Variants in NRCAM observed in about 807,000 individuals in gnomAD.
The protein encoded by NRCAM is neuronal cell adhesion molecule, also known as NgCAM-related cell adhesion molecule.
A neutral mutation model predicts 156.5 loss-of-function variants in NRCAM; 83 were observed. The ratio of observed to expected loss-of-function variants is 0.53; its 90% CI spans 0.44 to 0.64. The LOEUF (loss-of-function observed/expected upper bound fraction) is 0.64, where lower values mean the gene tolerates loss of function less well. Ranked by LOEUF, NRCAM falls within the 30% of genes least tolerant of loss-of-function variation. The probability of loss-of-function intolerance (pLI) is 0.00; values close to 1 mark genes in which losing one functional copy is unlikely to be tolerated. For missense variants in NRCAM, 1,417 were observed against 1,597.3 expected (o/e 0.89, Z 1.92); for synonymous variants, 538 against 563.9 (o/e 0.95, Z 0.65).
At chr7:108,207,457 A>G in intron 13 of NRCAM, 71 bp downstream of exon 13, 2 of 1,476,400 alleles carry the variant, frequency 1.4e-6, no homozygotes, top group Non-Finnish European at 1.8e-6. Context: ...TTTTATCACC[A>G]TTTATTCACT....
intron 2 of NRCAM, among the ~76,000 whole-genome samples, chr7:108,315,024 G>C (rs940121728): frequency 6.6e-6 from 1 of 150,678 alleles, no homozygotes; most frequent in African/African-American, 2.4e-5. Context: ...CAACAACCCA[G>C]TCAATTCTGT....
chr7:108,255,260 C>T (rs1457980734), intron 3 of NRCAM, among the ~76,000 whole-genome samples: 1 of 148,836 alleles, frequency 6.7e-6, no homozygotes, highest in Admixed American at 6.7e-5. Flanking sequence ...TCACTGCAAA[C>T]TCCCTGCCTG....
intron 30 of NRCAM, among the ~76,000 whole-genome samples, chr7:108,164,409 A>G (rs1284464050): frequency 2.6e-5 from 4 of 152,148 alleles, no homozygotes; most frequent in African/African-American, 9.7e-5. Flanking sequence ...TGAAATAACT[A>G]TAGATAAAGT....
chr7:108,348,043 T>C (rs2099381526), intron 2 of NRCAM, among the ~76,000 whole-genome samples: 1 of 152,258 alleles, frequency 6.6e-6, no homozygotes, highest in South Asian at 2.1e-4. Context: ...AACAGCATTC[T>C]GTATTCATCT....
At chr7:108,177,378 C>G (rs1011553723) in intron 26 of NRCAM, among the ~76,000 whole-genome samples, 2 of 152,068 alleles carry the variant, frequency 1.3e-5, no homozygotes, top group Non-Finnish European at 2.9e-5. Flanking sequence ...AATCCCAGCA[C>G]TTTGGGAGGC....
chr7:108,150,337 C>G (rs936161123), intron 32 of NRCAM, among the ~76,000 whole-genome samples, 190 bp from the exon 33 acceptor site: 1 of 152,130 alleles, frequency 6.6e-6, no homozygotes, highest in South Asian at 2.1e-4. Context: ...ATGGTTGAAT[C>G]ATGAAGTCTT....
chr7:108,269,049 G>C (rs545250198), intron 3 of NRCAM, among the ~76,000 whole-genome samples: 1 of 152,042 alleles, frequency 6.6e-6, no homozygotes, highest in Non-Finnish European at 1.5e-5. Context: ...ACCAGGACTT[G>C]AGCCTGGGAA....
At chr7:108,161,688 T>C (rs1181926278) in intron 30 of NRCAM, among the ~76,000 whole-genome samples, 2 of 152,150 alleles carry the variant, frequency 1.3e-5, no homozygotes, top group Non-Finnish European at 2.9e-5. Flanking sequence ...GTTCAGCTAA[T>C]GTTGCAAAAA....
intron 3 of NRCAM, among the ~76,000 whole-genome samples, chr7:108,279,827 T>G (rs182773476): frequency 6.6e-6 from 1 of 152,068 alleles, no homozygotes; most frequent in Admixed American, 6.5e-5. Context: ...CCTAAAGTGC[T>G]GAGAAAACAG....
chr7:108,355,895 A>G (rs373714565), intron 2 of NRCAM, among the ~76,000 whole-genome samples: 3 of 152,026 alleles, frequency 2.0e-5, no homozygotes, highest in East Asian at 3.9e-4. Flanking sequence ...TATTTTATCA[A>G]CTCACATCAT....
At chr7:108,346,450 C>G (rs1338764956) in intron 2 of NRCAM, among the ~76,000 whole-genome samples, 2 of 152,140 alleles carry the variant, frequency 1.3e-5, no homozygotes, top group Non-Finnish European at 2.9e-5. Flanking sequence ...ATAGGCTATT[C>G]TGTCATCATG....
At chr7:108,371,424 A>C (rs568891030) in intron 2 of NRCAM, among the ~76,000 whole-genome samples, 3 of 152,260 alleles carry the variant, frequency 2.0e-5, no homozygotes, top group African/African-American at 7.2e-5. Flanking sequence ...GGAAGGGATC[A>C]AAAGGTCTTT....
At chr7:108,419,830 A>G (rs1488557686) in intron 1 of NRCAM, among the ~76,000 whole-genome samples, 3 of 152,170 alleles carry the variant, frequency 2.0e-5, no homozygotes, top group African/African-American at 7.2e-5. Flanking sequence ...ACAGGTTTTG[A>G]TGTCGGGGTG....
intron 3 of NRCAM, among the ~76,000 whole-genome samples, chr7:108,287,187 A>C (rs1186497751): frequency 6.6e-6 from 1 of 152,076 alleles, no homozygotes; most frequent in Non-Finnish European, 1.5e-5. Context: ...ATAAAAATAT[A>C]TAACAATATA....
intron 7 of NRCAM, among the ~76,000 whole-genome samples, chr7:108,231,635 T>C (rs770962077): frequency 6.6e-6 from 1 of 152,188 alleles, no homozygotes; most frequent in Non-Finnish European, 1.5e-5. Context: ...AATGAGCTGG[T>C]TTTAAACACA....
Position 108,182,822 on chromosome 7 carries a change from T to C in NRCAM, c.2403A>G (p.Ala801=), listed in dbSNP as rs1399585178. The stretch of plus-strand genomic sequence containing the variant: ...CTGAGACAATATATTTGGATACATT[T>C]GCCACAACCACAGATGTCCATTCAT... ...GDDEWTSVVV[A]NVSKYIVSGT... The change falls in exon 23 of 33, where the codon GCA becomes GCG. Residue 801 remains alanine, a synonymous_variant. Coordinates refer to ENST00000379028, the MANE Select transcript of NRCAM (RefSeq NM_001037132.4). 6.2e-7 allele frequency: 1 copy of C among 1,614,266 alleles called. No homozygotes were observed. Among genetic ancestry groups the C allele is most frequent in the South Asian group, 1.1e-5 (1 of 91,088 alleles).
At chr7:108,368,931 T>C (rs1479435056) in intron 2 of NRCAM, among the ~76,000 whole-genome samples, 2 of 152,156 alleles carry the variant, frequency 1.3e-5, no homozygotes, top group African/African-American at 4.8e-5. Context: ...AAATATTGAA[T>C]AGCATTAAGA....
At chr7:108,443,927 C>A (rs539341334) in intron 1 of NRCAM, among the ~76,000 whole-genome samples, 2 of 149,638 alleles carry the variant, frequency 1.3e-5, no homozygotes, top group South Asian at 2.1e-4. Context: ...TACATACATA[C>A]ATAGATACAG....
chr7:108,204,039 A>G (rs962152363), intron 13 of NRCAM, among the ~76,000 whole-genome samples: 2 of 152,048 alleles, frequency 1.3e-5, no homozygotes, highest in Non-Finnish European at 2.9e-5. Flanking sequence ...CAGCCGTGCT[A>G]GATGTGGGGT....
Sources: gnomAD v4.1 joint callset for allele counts (sites outside exome capture counted in the v4.1 genomes callset) on GRCh38, gnomAD v4.1.1 for gene constraint, MANE v1.5 for transcripts, NCBI Gene and HGNC (gene_info 2026-07-23, HGNC 2026-07-21) for gene names.